DPP6: variants seen among roughly 807,000 people sequenced by gnomAD.
DPP6 encodes the protein dipeptidyl peptidase like 6.
A neutral mutation model predicts 122.6 loss-of-function variants in DPP6; 69 were observed. That is an observed-to-expected ratio of 0.56 (90% CI 0.46 to 0.69). The LOEUF (loss-of-function observed/expected upper bound fraction) is 0.69. DPP6 is among the 30% of genes least tolerant of loss of function. The pLI is 0.00. For missense variants in DPP6, 928 were observed against 1,116.9 expected, an observed-to-expected ratio of 0.83 and a Z score of 2.41; for synonymous variants, 418 against 433.1, an observed-to-expected ratio of 0.97 and a Z score of 0.43.
the DPP6 span, among the ~76,000 whole-genome samples, chr7:153,758,690 A>T: frequency 5.3e-5 from 8 of 149,898 alleles, no homozygotes; most frequent in East Asian, 1.4e-3. Context: ...TTCATGTTGC[A>T]GCATGTATCA....
intron 1 of DPP6, among the ~76,000 whole-genome samples, chr7:154,083,283 A>G: frequency 6.6e-6 from 1 of 152,100 alleles, no homozygotes; most frequent in Non-Finnish European, 1.5e-5. Flanking sequence ...CCCTCCTTGC[A>G]GAAGCCCATG....
intron 3 of DPP6, among the ~76,000 whole-genome samples, chr7:154,530,960 C>T (rs1241037291): frequency 1.3e-5 from 2 of 152,162 alleles, no homozygotes; most frequent in Middle Eastern, 3.4e-3. Flanking sequence ...AACATATGGA[C>T]ACATTGCAGG....
At chr7:154,669,585 G>T in intron 7 of DPP6, 144 bp downstream of exon 7, 1 of 1,301,944 alleles carries the variant, frequency 7.7e-7, no homozygotes, top group Non-Finnish European at 1.0e-6. Flanking sequence ...AATCTGGAGA[G>T]GTACACCAGG....
chr7:153,922,403 GT>G (rs1378710693), intron 1 of DPP6, among the ~76,000 whole-genome samples: 1,913 of 152,188 alleles, frequency 0.013, 32 homozygotes, highest in African/African-American at 0.042. Context: ...GGAGGCTAAG[GT>G]AGGAGGATCA....
At chr7:154,156,521 T>C (rs1234484471) in intron 1 of DPP6, among the ~76,000 whole-genome samples, 3 of 152,236 alleles carry the variant, frequency 2.0e-5, no homozygotes, top group Non-Finnish European at 4.4e-5. Context: ...TTATTGGATA[T>C]AGCTGGCCCT....
At chr7:154,080,190 T>G (rs186715669) in intron 1 of DPP6, among the ~76,000 whole-genome samples, 1 of 152,116 alleles carries the variant, frequency 6.6e-6, no homozygotes, top group Non-Finnish European at 1.5e-5. Context: ...GGGCTGTGAA[T>G]ACTCTGATCC....
At chr7:153,873,597 T>C in the DPP6 span, among the ~76,000 whole-genome samples, 149 of 152,322 alleles carry the variant, frequency 9.8e-4, no homozygotes, top group African/African-American at 3.5e-3. Context: ...TTTTAAAAGA[T>C]GGTTTATTCT....
At chr7:154,165,044 T>C (rs1339825314) in intron 1 of DPP6, among the ~76,000 whole-genome samples, 1 of 151,956 alleles carries the variant, frequency 6.6e-6, no homozygotes, top group Admixed American at 6.5e-5. Context: ...TTAGGGTACA[T>C]GTGCACATTG....
At chr7:154,160,438 C>T (rs1246492256) in intron 1 of DPP6, among the ~76,000 whole-genome samples, 5 of 152,172 alleles carry the variant, frequency 3.3e-5, no homozygotes, top group African/African-American at 1.2e-4. Context: ...TTATTTTCCC[C>T]TAACAAACTA....
intron 1 of DPP6, among the ~76,000 whole-genome samples, chr7:154,101,920 C>CT (rs1255659547): frequency 7.7e-6 from 1 of 130,078 alleles, no homozygotes; most frequent in Non-Finnish European, 1.6e-5. Context: ...AAGAGCAAAA[C>CT]TCCATACTCC....
the DPP6 span, among the ~76,000 whole-genome samples, chr7:153,818,388 A>C: frequency 1.3e-5 from 2 of 152,058 alleles, no homozygotes; most frequent in East Asian, 3.9e-4. Flanking sequence ...AACATATATA[A>C]AAGAATGTTT....
Position 154,803,853 on chromosome 7 carries a change from G to T in DPP6, c.1408-11G>T, listed in dbSNP as rs762894437. 9.3e-6 allele frequency: 15 copies of T among 1,612,544 alleles called. No homozygotes were observed. The highest frequency in any genetic ancestry group is 8.5e-7 in the Non-Finnish European group (1 of 1,178,994). ...GGTGTCTGCTCCTGATGCCATGTCT[G>T]TGTGTTTCAGCCCAACAGCAGCAAC... On this transcript the variant is annotated splice_polypyrimidine_tract_variant and intron_variant, in intron 13 of 25. Coordinates refer to ENST00000377770, the MANE Select transcript of DPP6 (RefSeq NM_130797.4).
intron 1 of DPP6, among the ~76,000 whole-genome samples, chr7:153,891,470 T>G (rs1250575691): frequency 6.6e-6 from 1 of 152,200 alleles, no homozygotes; most frequent in Admixed American, 6.5e-5. Context: ...CAAAAATTAT[T>G]TTTTTAAAAA....
chr7:154,338,779 C>T (rs1809651980), intron 1 of DPP6, among the ~76,000 whole-genome samples: 1 of 152,292 alleles, frequency 6.6e-6, no homozygotes, highest in South Asian at 2.1e-4. Flanking sequence ...CCTCTTTAAC[C>T]CTAAATGCTT....
At chr7:153,907,890 A>G (rs77101377) in intron 1 of DPP6, among the ~76,000 whole-genome samples, 8,162 of 152,202 alleles carry the variant, frequency 0.054, 268 homozygotes, top group South Asian at 0.11. Flanking sequence ...TGACTGATAC[A>G]CTAGGAAAGC....
intron 16 of DPP6, among the ~76,000 whole-genome samples, chr7:154,823,368 T>C (rs914954635): frequency 1.1e-5 from 1 of 89,030 alleles, no homozygotes; most frequent in Non-Finnish European, 3.5e-5. Flanking sequence ...AGATCCTAAC[T>C]GTAAAATAAT....
At chr7:154,270,650 G>T (rs964618860) in intron 1 of DPP6, among the ~76,000 whole-genome samples, 1 of 152,186 alleles carries the variant, frequency 6.6e-6, no homozygotes, top group Non-Finnish European at 1.5e-5. Context: ...AGGCGGCAAA[G>T]TGTGTACTAA....
At chr7:154,086,898 T>G (rs1804466565) in intron 1 of DPP6, among the ~76,000 whole-genome samples, 1 of 152,148 alleles carries the variant, frequency 6.6e-6, no homozygotes, top group Non-Finnish European at 1.5e-5. Context: ...TACTTGTATA[T>G]TGCTAAGGGC....
At chr7:154,523,135 T>C (rs984728360) in intron 3 of DPP6, among the ~76,000 whole-genome samples, 1 of 152,198 alleles carries the variant, frequency 6.6e-6, no homozygotes, top group African/African-American at 2.4e-5. Context: ...GTGGTCTTAT[T>C]TTCTGCTCCA....
Sources: allele counts gnomAD v4.1 joint callset (sites outside exome capture counted in the v4.1 genomes callset), GRCh38; gene constraint gnomAD v4.1.1; transcripts MANE v1.5; gene names NCBI Gene and HGNC (gene_info 2026-07-23, HGNC 2026-07-21).